The following PIBF1 variants were observed in gnomAD, a reference collection of about 807,000 sequenced individuals.
PIBF1 encodes the protein progesterone immunomodulatory binding factor 1.
In PIBF1, 90 loss-of-function variants were observed where a neutral mutation model predicts 112.5. The ratio of observed to expected loss-of-function variants is 0.80; its 90% CI spans 0.67 to 0.95. The LOEUF (loss-of-function observed/expected upper bound fraction) is 0.95, where lower values mean the gene tolerates loss of function less well. PIBF1 is among the 40% of genes least tolerant of loss of function. The pLI, the probability that PIBF1 is intolerant of heterozygous loss-of-function variation, is 0.00. For missense variants in PIBF1, 915 were observed against 852.3 expected (o/e 1.07, Z -0.92); for synonymous variants, 301 against 288.6 (o/e 1.04, Z -0.44).
Position 73,015,998 on chromosome 13 carries a change from A to G in PIBF1, c.*79A>G, listed in dbSNP as rs1012586937. ...CTGATGGAAAACAAAATTCAGCTTA[A>G]TCGTGTACTCAGCATTTTTTAAATA... On this transcript the variant is annotated 3_prime_UTR_variant, in exon 18 of 18. Coordinates refer to ENST00000326291, the MANE Select transcript of PIBF1 (RefSeq NM_006346.4). 1.3e-5 allele frequency: 9 copies of G among 702,140 alleles called. No homozygotes were observed. The highest frequency in any genetic ancestry group is 1.1e-5 in the Non-Finnish European group (5 of 439,800). 43.5% of individuals were successfully genotyped at this position (702,140 alleles called of 1,614,324 possible). A position where few individuals can be genotyped will look rare whatever the true frequency, so the allele number is the denominator to read the frequency against.
At chr13:72,844,948 A>G (rs527642553) in intron 9 of PIBF1, among the ~76,000 whole-genome samples, 32 of 151,996 alleles carry the variant, frequency 2.1e-4, no homozygotes, top group Non-Finnish European at 4.0e-4. Context: ...TGAAGTTAGC[A>G]AAGAGGACTT....
chr13:72,945,315 C>G (rs760056814), intron 14 of PIBF1, among the ~76,000 whole-genome samples: 1 of 152,116 alleles, frequency 6.6e-6, no homozygotes, highest in Non-Finnish European at 1.5e-5. Flanking sequence ...TAGGTTGATT[C>G]CATGTCTTCA....
intron 5 of PIBF1, among the ~76,000 whole-genome samples, chr13:72,805,402 A>G (rs1413660163): frequency 6.6e-6 from 1 of 152,140 alleles, no homozygotes; most frequent in African/African-American, 2.4e-5. Context: ...TTGACCTCCC[A>G]AAGTGTTGGG....
At chr13:72,955,922 A>G (rs2042433395) in intron 14 of PIBF1, among the ~76,000 whole-genome samples, 1 of 152,178 alleles carries the variant, frequency 6.6e-6, no homozygotes, top group Non-Finnish European at 1.5e-5. Flanking sequence ...TCTGAGTACT[A>G]GAATTCACCA....
chr13:72,782,875 CGTGTGTGTGTGT>C lies in PIBF1; in HGVS notation c.-47-527_-47-516del, dbSNP rs34618038. Reference sequence around the variant, plus strand: ...GCCTTCCAGTCTTGATCGTTAAGGGCGTGTGTGTGTGTGTGTGTGTGTGTGTGTGTGTTTGTG... The same window carrying C: ...GCCTTCCAGTCTTGATCGTTAAGGGCGTGTGTGTGTGTGTGTGTGTTTGTG... On this transcript the variant is annotated intron_variant, in intron 1 of 17. Transcript: ENST00000326291. Among the ~76,000 whole-genome samples the C allele has an allele frequency of 4.2e-4, 62 of 147,360 alleles. 1 individual carries two copies. Among genetic ancestry groups the C allele is most frequent in the Non-Finnish European group, 7.0e-4 (47 of 66,704 alleles).
chr13:72,889,877 T>C (rs746163347), intron 10 of PIBF1, among the ~76,000 whole-genome samples: 4 of 152,214 alleles, frequency 2.6e-5, no homozygotes, highest in Non-Finnish European at 4.4e-5. Flanking sequence ...TGAGATTTGA[T>C]AACTGGGTTC....
chr13:72,984,197 C>T (rs936733808), intron 16 of PIBF1, among the ~76,000 whole-genome samples: 2 of 152,026 alleles, frequency 1.3e-5, no homozygotes, highest in Non-Finnish European at 2.9e-5. Flanking sequence ...TATGAGAAAG[C>T]TAAAGCTATT....
At chr13:72,937,601 C>A (rs991015211) in intron 14 of PIBF1, among the ~76,000 whole-genome samples, 2 of 152,104 alleles carry the variant, frequency 1.3e-5, no homozygotes, top group African/African-American at 4.8e-5. Context: ...AGGTGGATCA[C>A]CTGAGGTCAG....
intron 14 of PIBF1, among the ~76,000 whole-genome samples, chr13:72,931,740 A>ATATATATATATATATATG (rs1342426606): frequency 4.2e-4 from 60 of 143,654 alleles, no homozygotes; most frequent in Non-Finnish European, 6.7e-4. Context: ...ATATATATAT[A>ATATATATATATATATATG]TATGTATGCA....
chr13:73,015,441 A>T (rs1430188860), intron 17 of PIBF1, among the ~76,000 whole-genome samples: 1 of 152,218 alleles, frequency 6.6e-6, no homozygotes, highest in Non-Finnish European at 1.5e-5. Flanking sequence ...TCTGGTAAAT[A>T]CTTAGAAATT....
At chr13:72,789,724 G>GA (rs2034798901) in intron 2 of PIBF1, among the ~76,000 whole-genome samples, 2 of 151,134 alleles carry the variant, frequency 1.3e-5, no homozygotes, top group Admixed American at 1.3e-4. Flanking sequence ...TCAGATTTTT[G>GA]ATTTTTTTTT....
At chr13:72,807,845 G>A (rs970606201) in intron 5 of PIBF1, among the ~76,000 whole-genome samples, 3 of 152,090 alleles carry the variant, frequency 2.0e-5, no homozygotes, top group Admixed American at 6.5e-5. Context: ...ATTTTCAAAC[G>A]TAACTTGAAT....
chr13:72,922,496 A>C (rs955957000), intron 13 of PIBF1, among the ~76,000 whole-genome samples: 3 of 152,218 alleles, frequency 2.0e-5, no homozygotes, highest in African/African-American at 7.2e-5. Context: ...GGTGACACCC[A>C]GGCACTAACA....
At chr13:72,993,924 C>G (rs950605736) in intron 16 of PIBF1, among the ~76,000 whole-genome samples, 1 of 152,010 alleles carries the variant, frequency 6.6e-6, no homozygotes. Flanking sequence ...GAGTTCAAGA[C>G]TAGCCTGGGT....
intron 5 of PIBF1, among the ~76,000 whole-genome samples, chr13:72,803,474 TGG>T (rs1395570154): frequency 6.6e-6 from 1 of 152,166 alleles, no homozygotes; most frequent in Non-Finnish European, 1.5e-5. Flanking sequence ...CATGTATATT[TGG>T]GGTATTGCCA....
chr13:72,845,311 A>T (rs2037820199), intron 9 of PIBF1, among the ~76,000 whole-genome samples: 1 of 152,190 alleles, frequency 6.6e-6, no homozygotes. Flanking sequence ...TGCAAAGGAC[A>T]TGATCTCATT....
intron 14 of PIBF1, among the ~76,000 whole-genome samples, chr13:72,964,890 C>T (rs1379096070): frequency 6.6e-6 from 1 of 152,024 alleles, no homozygotes; most frequent in African/African-American, 2.4e-5. Flanking sequence ...GCTGAAACCC[C>T]ATCTCTACTA....
At chr13:72,827,160 A>G (rs745310508) in intron 7 of PIBF1, 42 bp downstream of exon 7, 1 of 966,728 alleles carries the variant, frequency 1.0e-6, no homozygotes, top group South Asian at 2.2e-5. Flanking sequence ...ATAGCATAGT[A>G]TTAGTGAAAA....
At chr13:72,797,549 G>A (rs940905445) in intron 4 of PIBF1, among the ~76,000 whole-genome samples, 16 of 152,102 alleles carry the variant, frequency 1.1e-4, no homozygotes, top group African/African-American at 3.1e-4. Flanking sequence ...TATGGGGGAA[G>A]AACTTCTCTA....
Sources: allele counts gnomAD v4.1 joint callset (sites outside exome capture counted in the v4.1 genomes callset), GRCh38; gene constraint gnomAD v4.1.1; transcripts MANE v1.5; gene names NCBI Gene and HGNC (gene_info 2026-07-23, HGNC 2026-07-21).